The following NXPH1 variants were observed in gnomAD, a reference collection of about 807,000 sequenced individuals.
The protein encoded by NXPH1 is neurexophilin 1.
A neutral mutation model predicts 23.7 loss-of-function variants in NXPH1; 5 were observed. That is an observed-to-expected ratio of 0.21 (90% CI 0.11 to 0.44). The LOEUF (loss-of-function observed/expected upper bound fraction) is 0.44, where lower values mean the gene tolerates loss of function less well. Ranked by LOEUF, NXPH1 falls within the 20% of genes least tolerant of loss-of-function variation. The pLI, the probability that NXPH1 is intolerant of heterozygous loss-of-function variation, is 0.99. For missense variants in NXPH1, 324 were observed against 321.6 expected (o/e 1.01, Z -0.06); for synonymous variants, 144 against 122.2 (o/e 1.18, Z -1.18).
intron 2 of NXPH1, among the ~76,000 whole-genome samples, chr7:8,496,662 C>A (rs1817343191): frequency 6.6e-6 from 1 of 151,990 alleles, no homozygotes; most frequent in Admixed American, 6.6e-5. Context: ...GGGCCCCATC[C>A]CAGAACTCAG....
At chr7:8,500,725 C>A (rs1817417436) in intron 2 of NXPH1, among the ~76,000 whole-genome samples, 1 of 152,090 alleles carries the variant, frequency 6.6e-6, no homozygotes, top group Admixed American at 6.6e-5. Flanking sequence ...CTGGAACCAG[C>A]TGATGCATTA....
intron 2 of NXPH1, among the ~76,000 whole-genome samples, chr7:8,571,654 G>T (rs998857975): frequency 1.6e-4 from 25 of 152,022 alleles, no homozygotes; most frequent in African/African-American, 5.1e-4. Context: ...ATTAGAATTG[G>T]TTCTCTAGTA....
chr7:8,601,425 C>G (rs906821754), intron 2 of NXPH1, among the ~76,000 whole-genome samples: 5 of 152,148 alleles, frequency 3.3e-5, no homozygotes, highest in African/African-American at 1.2e-4. Flanking sequence ...TGCTACCAAA[C>G]TGGTGTATCC....
chr7:8,739,699 T>C (rs1389537513), intron 2 of NXPH1, among the ~76,000 whole-genome samples: 1 of 152,236 alleles, frequency 6.6e-6, no homozygotes, highest in Non-Finnish European at 1.5e-5. Context: ...AACTTTTGAT[T>C]ATTGTGTAAT....
chr7:8,471,218 A>T (rs918206342), intron 2 of NXPH1, among the ~76,000 whole-genome samples: 9 of 152,136 alleles, frequency 5.9e-5, no homozygotes, highest in African/African-American at 1.9e-4. Context: ...GTCACCTTTA[A>T]ATGTTACTCT....
chr7:8,577,435 A>T lies in NXPH1; in HGVS notation c.54+141668A>T, dbSNP rs1358577722. Among the ~76,000 whole-genome samples, 4 of 152,154 alleles carry T rather than the reference A, an allele frequency of 2.6e-5. 1 individual carries two copies. Among genetic ancestry groups the T allele is most frequent in the African/African-American group, 7.2e-5 (3 of 41,432 alleles). The stretch of plus-strand genomic sequence containing the variant: ...TGGTGATTGGGGAATATGTATGTGT[A>T]GTTTCATTACTTGCTTCAGTATTCC... On this transcript the variant is annotated intron_variant, in intron 2 of 2. Coordinates refer to ENST00000405863, the MANE Select transcript of NXPH1 (RefSeq NM_152745.3).
chr7:8,531,815 T>C (rs1478389232), intron 2 of NXPH1, among the ~76,000 whole-genome samples: 1 of 152,210 alleles, frequency 6.6e-6, no homozygotes, highest in African/African-American at 2.4e-5. Flanking sequence ...CTATCCACCA[T>C]TACTTGCAGC....
intron 2 of NXPH1, among the ~76,000 whole-genome samples, chr7:8,616,664 G>C (rs917610779): frequency 6.6e-6 from 1 of 151,950 alleles, no homozygotes; most frequent in Non-Finnish European, 1.5e-5. Flanking sequence ...TGGCAGCCAG[G>C]GGGGACTGAG....
intron 2 of NXPH1, among the ~76,000 whole-genome samples, chr7:8,590,496 G>A (rs1422610184): frequency 6.6e-6 from 1 of 151,956 alleles, no homozygotes; most frequent in Non-Finnish European, 1.5e-5. Context: ...CAGATGTCAG[G>A]TCTTTTTACA....
At chr7:8,712,471 C>T (rs538207412) in intron 2 of NXPH1, among the ~76,000 whole-genome samples, 97 of 152,222 alleles carry the variant, frequency 6.4e-4, no homozygotes, top group African/African-American at 1.4e-3. Context: ...TAGTGCCCAC[C>T]GAATGAAAAT....
chr7:8,594,989 C>A (rs528411441), intron 2 of NXPH1, among the ~76,000 whole-genome samples: 36 of 152,072 alleles, frequency 2.4e-4, no homozygotes, highest in Admixed American at 1.8e-3. Flanking sequence ...AGCTCTTGAA[C>A]CTGACAAAGC....
intron 2 of NXPH1, among the ~76,000 whole-genome samples, chr7:8,687,016 T>C (rs1433363563): frequency 1.3e-5 from 2 of 152,130 alleles, no homozygotes; most frequent in Admixed American, 6.6e-5. Context: ...AAGTATGTCA[T>C]TGTTCATATA....
chr7:8,695,464 C>T (rs1278591144), intron 2 of NXPH1, among the ~76,000 whole-genome samples: 1 of 152,134 alleles, frequency 6.6e-6, no homozygotes, highest in Non-Finnish European at 1.5e-5. Flanking sequence ...TAGTGGAAGT[C>T]ACAATTTACT....
chr7:8,548,645 A>G (rs1235268870), intron 2 of NXPH1, among the ~76,000 whole-genome samples: 1 of 151,550 alleles, frequency 6.6e-6, no homozygotes, highest in African/African-American at 2.4e-5. Context: ...AGTATTATAC[A>G]GGGGTTGATA....
At position 8,720,164 on chromosome 7, in the gene NXPH1, G is replaced by A. The variant is rs1277254639; in HGVS notation, c.55-30844G>A. Among the ~76,000 whole-genome samples, 4 of 126,644 alleles carry A rather than the reference G, an allele frequency of 3.2e-5. No individual in the cohort carries two copies. The Admixed American group carries it at 3.2e-4, about 10-fold the overall frequency. 83.1% of individuals were successfully genotyped at this position (126,644 alleles called of 152,430 possible). A position where few individuals can be genotyped will look rare whatever the true frequency, so the allele number is the denominator to read the frequency against. ...TCTACTTGGTTAAGTGTCCATTCTT[G>A]GTTCATATCTGTTCAATGAACTGAA... On this transcript the variant is annotated intron_variant, in intron 2 of 2. Transcript: ENST00000405863.
intron 2 of NXPH1, among the ~76,000 whole-genome samples, chr7:8,685,698 C>T (rs934397068): frequency 2.6e-5 from 4 of 151,890 alleles, no homozygotes; most frequent in Non-Finnish European, 5.9e-5. Context: ...TTCTCCACAG[C>T]GGTTGTACTA....
chr7:8,496,154 G>T (rs752381787), intron 2 of NXPH1, among the ~76,000 whole-genome samples: 3 of 152,036 alleles, frequency 2.0e-5, no homozygotes, highest in Non-Finnish European at 4.4e-5. Context: ...AAATCTGCCA[G>T]ACCTGGAGAG....
At chr7:8,501,654 A>G (rs1476928933) in intron 2 of NXPH1, among the ~76,000 whole-genome samples, 3 of 152,216 alleles carry the variant, frequency 2.0e-5, no homozygotes, top group South Asian at 2.1e-4. Context: ...AAGACTGGGA[A>G]TGGTGTAGCA....
intron 2 of NXPH1, among the ~76,000 whole-genome samples, chr7:8,466,621 T>C (rs976620999): frequency 3.9e-5 from 6 of 152,190 alleles, no homozygotes; most frequent in Non-Finnish European, 8.8e-5. Flanking sequence ...GTTTTTAGTA[T>C]ATCATTAAGG....
Sources: allele counts gnomAD v4.1 joint callset (sites outside exome capture counted in the v4.1 genomes callset), GRCh38; gene constraint gnomAD v4.1.1; transcripts MANE v1.5; gene names NCBI Gene and HGNC (gene_info 2026-07-23, HGNC 2026-07-21).